NUP42: variants seen among roughly 807,000 people sequenced by gnomAD.
NUP42 encodes the protein nucleoporin NUP42.
Under a neutral mutation model 35.9 loss-of-function variants are expected in NUP42, and 47 were observed. The ratio of observed to expected loss-of-function variants is 1.31; its 90% confidence interval spans 1.04 to 1.67. The LOEUF (loss-of-function observed/expected upper bound fraction) is 1.67. Ranked by LOEUF, NUP42 falls within the 40% of genes most tolerant of loss-of-function variation. The probability of loss-of-function intolerance (pLI) is 0.00; values close to 1 mark genes in which losing one functional copy is unlikely to be tolerated. For missense variants in NUP42, 514 were observed against 492.2 expected, an observed-to-expected ratio of 1.04 and a Z score of -0.42; for synonymous variants, 173 against 173.3, an observed-to-expected ratio of 1.00 and a Z score of 0.01.
chr7:23,182,300 C>G, intron 1 of NUP42, 94 bp downstream of exon 1: 1 of 1,510,192 alleles, frequency 6.6e-7, no homozygotes, highest in South Asian at 1.2e-5. Context: ...GCTGGTGACC[C>G]CAACGTGCCC....
intron 3 of NUP42, among the ~76,000 whole-genome samples, chr7:23,192,546 CAAA>C (rs200047613): frequency 1.7e-4 from 11 of 65,288 alleles, no homozygotes; most frequent in Admixed American, 7.0e-4. Context: ...GACTTCATCT[CAAA>C]AAAAAAAAAA....
At chr7:23,188,041 C>T in intron 3 of NUP42, 2 of 1,414,842 alleles carry the variant, frequency 1.4e-6, no homozygotes, top group African/African-American at 1.5e-5. Flanking sequence ...AGTCCCTAAG[C>T]CCTTTCTGGG....
chr7:23,187,992 C>CT, intron 3 of NUP42: 1 of 944,666 alleles, frequency 1.1e-6, no homozygotes. Context: ...TTCTCTCTCT[C>CT]TTTTTTTATT....
At chr7:23,188,658 A>C (rs992405133) in intron 3 of NUP42, 3 of 535,014 alleles carry the variant, frequency 5.6e-6, no homozygotes, top group Non-Finnish European at 7.2e-6. Flanking sequence ...ATACTAAAAA[A>C]AGTATTTATT....
rs1786127826 is a variant in NUP42, at chr7:23,199,392, G to A, written c.610-66G>A. 12 of 1,298,338 alleles carry A rather than the reference G, an allele frequency of 9.2e-6. No homozygotes were observed. In the Admixed American group the frequency reaches 2.0e-4, roughly 22 times the overall value. The allele number at this position is 1,298,338 out of a possible 1,614,324, so 80.4% of individuals were successfully genotyped here. On this transcript the variant is annotated intron_variant, in intron 5 of 6. Coordinates refer to ENST00000258742, the MANE Select transcript of NUP42 (RefSeq NM_007342.3). ...AAAAACTTGAATTTGTCCATAAAGTGTATAGAAAAGATACTGGAGCACTAT... is the reference window on the plus strand; with the variant it reads ...AAAAACTTGAATTTGTCCATAAAGTATATAGAAAAGATACTGGAGCACTAT...
chr7:23,192,855 T>A (rs967258525), intron 3 of NUP42, among the ~76,000 whole-genome samples: 2 of 152,216 alleles, frequency 1.3e-5, no homozygotes, highest in African/African-American at 4.8e-5. Flanking sequence ...TGTATACCTA[T>A]GTGTCCGGAA....
chr7:23,185,544 C>T (rs975821607), intron 2 of NUP42, among the ~76,000 whole-genome samples: 1 of 152,122 alleles, frequency 6.6e-6, no homozygotes, highest in Non-Finnish European at 1.5e-5. Flanking sequence ...AAAAATATAT[C>T]ATCTTTCTAT....
At chr7:23,193,752 T>C (rs968672631) in intron 3 of NUP42, among the ~76,000 whole-genome samples, 8 of 152,152 alleles carry the variant, frequency 5.3e-5, no homozygotes, top group African/African-American at 1.9e-4. Context: ...CCTTGGGTGG[T>C]CGATGGGACT....
intron 5 of NUP42, chr7:23,198,313 C>G (rs549093270): frequency 2.3e-4 from 34 of 146,632 alleles, no homozygotes; most frequent in African/African-American, 7.7e-4. Context: ...CCCGGGTTCA[C>G]GCCATTCTCC....
intron 3 of NUP42, chr7:23,188,290 T>C: frequency 1.7e-6 from 2 of 1,208,040 alleles, no homozygotes; most frequent in South Asian, 8.2e-5. Flanking sequence ...TCTTTTGTGC[T>C]AAGTGCTAGG....
In NUP42 at chr7:23,200,447, C is replaced by T. The variant is rs140632442; in HGVS notation, c.974C>T (p.Thr325Ile). Residue 325 changes from threonine (T) to isoleucine (I), a missense_variant, in exon 7 of 7, where the codon ACA becomes ATA. By Grantham distance (89) the Thr-to-Ile change is moderately conservative (BLOSUM62 -1). Transcript: ENST00000258742. Reference protein sequence around the residue: ...GFSGLPASLATGPVRAPVAPA... With the variant: ...GFSGLPASLAIGPVRAPVAPA... ...TCAGGACTTCCAGCTTCCTTGGCAA[C>T]AGGTCCTGTCAGAGCTCCAGTGGCC... 2 of 1,614,124 alleles carry T rather than the reference C, an allele frequency of 1.2e-6. No individual in the cohort carries two copies. The highest frequency in any genetic ancestry group is 1.7e-6 in the Non-Finnish European group (2 of 1,180,054).
intron 3 of NUP42, among the ~76,000 whole-genome samples, chr7:23,193,150 C>G (rs563999159): frequency 6.6e-6 from 1 of 152,008 alleles, no homozygotes; most frequent in Non-Finnish European, 1.5e-5. Context: ...TGAAGACCTT[C>G]GCGGTGAGTG....
chr7:23,191,073 T>C (rs1163700927), intron 3 of NUP42, among the ~76,000 whole-genome samples: 2 of 152,174 alleles, frequency 1.3e-5, no homozygotes, highest in Admixed American at 6.5e-5. Context: ...GGACTAGCTA[T>C]TGCAAAGGCC....
intron 3 of NUP42, among the ~76,000 whole-genome samples, chr7:23,193,689 G>A (rs750604534): frequency 1.6e-4 from 25 of 152,334 alleles, no homozygotes; most frequent in Middle Eastern, 6.8e-3. Flanking sequence ...CCACACCAGG[G>A]CCACAGGTGG....
intron 3 of NUP42, 186 bp from the exon 4 acceptor site, chr7:23,195,653 C>T: frequency 8.5e-6 from 4 of 472,170 alleles, no homozygotes; most frequent in Non-Finnish European, 1.5e-5. Context: ...TCAGAATAAC[C>T]AACTATATTT....
At chr7:23,188,234 G>A (rs1562605247) in intron 3 of NUP42, 8 of 1,248,364 alleles carry the variant, frequency 6.4e-6, no homozygotes, top group South Asian at 3.9e-5. Context: ...GCATTACAAC[G>A]CTTCTTATTT....
rs1462561161 is a variant in NUP42 at position 23,197,272 on chromosome 7, C to T, written c.609+506C>T. 9 of 1,137,232 alleles carry T rather than the reference C, an allele frequency of 7.9e-6. No individual in the cohort carries two copies. In the East Asian group the frequency reaches 4.1e-4, roughly 52 times the overall value. The allele number at this position is 1,137,232 out of a possible 1,614,324, so 70.4% of individuals were successfully genotyped here. A position where few individuals can be genotyped will look rare whatever the true frequency, so the allele number is the denominator to read the frequency against. ...TGTAAATAAAGTTATGATGTTTCTA[C>T]ACCCATTAAAAAGTTCTTAAGAATT... On this transcript the variant is annotated intron_variant, in intron 5 of 6. Transcript: ENST00000258742.
At chr7:23,193,558 T>G (rs1205092241) in intron 3 of NUP42, among the ~76,000 whole-genome samples, 2 of 152,148 alleles carry the variant, frequency 1.3e-5, no homozygotes, top group Non-Finnish European at 2.9e-5. Context: ...ATTGGTGTGT[T>G]TACAAACCTT....
intron 3 of NUP42, among the ~76,000 whole-genome samples, chr7:23,193,731 C>A (rs756416446): frequency 6.6e-6 from 1 of 152,270 alleles, no homozygotes; most frequent in Non-Finnish European, 1.5e-5. Context: ...TGTGTGCCCA[C>A]ACTCCTCAGC....
Sources: allele counts gnomAD v4.1 joint callset (sites outside exome capture counted in the v4.1 genomes callset), GRCh38; gene constraint gnomAD v4.1.1; transcripts MANE v1.5; gene names NCBI Gene and HGNC (gene_info 2026-07-23, HGNC 2026-07-21).